Variants in AFF3 observed in about 807,000 individuals in gnomAD.
AFF3 encodes the protein AF4/FMR2 family member 3.
In AFF3, 32 loss-of-function variants were observed where a neutral mutation model predicts 129.7. The observed-to-expected ratio is 0.25, with a 90% CI of 0.19 to 0.33. The LOEUF is 0.33. Among genes scored for constraint, AFF3 ranks in the 10% least tolerant of loss-of-function variants. The probability of loss-of-function intolerance (pLI) is 1.00; values close to 1 mark genes in which losing one functional copy is unlikely to be tolerated. For missense variants in AFF3, 1,373 were observed against 1,592.0 expected, an observed-to-expected ratio of 0.86 and a Z score of 2.34; for synonymous variants, 644 against 635.4, an observed-to-expected ratio of 1.01 and a Z score of -0.20.
intron 13 of AFF3, among the ~76,000 whole-genome samples, chr2:99,602,182 G>A (rs1434786177): frequency 6.6e-6 from 1 of 152,132 alleles, no homozygotes; most frequent in African/African-American, 2.4e-5. Flanking sequence ...TTCATGTCTT[G>A]CTTCCTCCCT....
chr2:99,560,957 C>G (rs550402687), intron 20 of AFF3, among the ~76,000 whole-genome samples: 9 of 152,198 alleles, frequency 5.9e-5, no homozygotes, highest in Admixed American at 6.5e-5. Flanking sequence ...ACAGATACTA[C>G]GAGAAACTAG....
At chr2:99,922,962 T>C (rs1695956165) in intron 7 of AFF3, among the ~76,000 whole-genome samples, 1 of 152,216 alleles carries the variant, frequency 6.6e-6, no homozygotes, top group African/African-American at 2.4e-5. Flanking sequence ...CGTAGTATAC[T>C]ACATTCATGC....
At chr2:99,895,199 A>T in intron 7 of AFF3, among the ~76,000 whole-genome samples, 1 of 152,268 alleles carries the variant, frequency 6.6e-6, no homozygotes, top group Non-Finnish European at 1.5e-5. Flanking sequence ...AGCAAGGAAC[A>T]TCAAGCTCGA....
chr2:100,112,447 C>T (rs1454625205), intron 2 of AFF3: 6 of 152,330 alleles, frequency 3.9e-5, no homozygotes, highest in Admixed American at 1.3e-4. Flanking sequence ...AATCCCAGTA[C>T]TTTGAGAGGC....
intron 8 of AFF3, among the ~76,000 whole-genome samples, chr2:99,818,056 T>C (rs143032716): frequency 1.9e-3 from 288 of 152,306 alleles, no homozygotes; most frequent in African/African-American, 6.7e-3. Context: ...CTGAATATAA[T>C]TTAAAAGTAA....
At chr2:99,867,904 A>G (rs1691551590) in intron 7 of AFF3, among the ~76,000 whole-genome samples, 1 of 152,140 alleles carries the variant, frequency 6.6e-6, no homozygotes, top group South Asian at 2.1e-4. Flanking sequence ...AGGAAGTGTG[A>G]GCAGGCTAAT....
chr2:99,903,302 G>A (rs1694483410), intron 7 of AFF3, among the ~76,000 whole-genome samples: 1 of 152,046 alleles, frequency 6.6e-6, no homozygotes, highest in African/African-American at 2.4e-5. Flanking sequence ...AATGATATAT[G>A]GTAACAAACT....
chr2:99,819,014 A>T (rs1412807476), intron 8 of AFF3, among the ~76,000 whole-genome samples: 1 of 152,208 alleles, frequency 6.6e-6, no homozygotes. Flanking sequence ...CTATCAAATG[A>T]ATGTTCCACC....
chr2:99,800,268 G>A (rs1285557365), intron 8 of AFF3, among the ~76,000 whole-genome samples: 1 of 152,066 alleles, frequency 6.6e-6, no homozygotes, highest in Non-Finnish European at 1.5e-5. Flanking sequence ...AAAGTTTTTT[G>A]AACACATCAC....
At chr2:100,110,187 G>A (rs1319375578) in intron 2 of AFF3, 1 of 152,080 alleles carries the variant, frequency 6.6e-6, no homozygotes, top group Non-Finnish European at 1.5e-5. Flanking sequence ...GTTTTTTTCA[G>A]TTGTTCTTCC....
At position 99,836,906 on chromosome 2, in the gene AFF3, A is replaced by G. The variant is rs114821980; in HGVS notation, c.921+571T>C. Among the ~76,000 whole-genome samples, 849 of 152,316 alleles carry G rather than the reference A, an allele frequency of 5.6e-3. 8 individuals are homozygous for G. The highest frequency in any genetic ancestry group is 0.015 in the African/African-American group (618 of 41,560). ...ATTTGGGAAAACACTGATGTGGTGG[A>G]ACAGCCCAACCTAAGTCAATCTGGG... On this transcript the variant is annotated intron_variant, in intron 8 of 24. Transcript: ENST00000672756.
chr2:100,027,412 A>G (rs1355224579), intron 4 of AFF3, among the ~76,000 whole-genome samples: 1 of 152,208 alleles, frequency 6.6e-6, no homozygotes, highest in Non-Finnish European at 1.5e-5. Context: ...CAAGAGATAC[A>G]GGACCTCCAG....
At chr2:99,717,009 A>C (rs560598446) in intron 11 of AFF3, among the ~76,000 whole-genome samples, 43 of 152,210 alleles carry the variant, frequency 2.8e-4, no homozygotes, top group African/African-American at 1.0e-3. Flanking sequence ...ATACACTCTT[A>C]TGTGTCTGGC....
intron 18 of AFF3, among the ~76,000 whole-genome samples, chr2:99,575,001 G>C (rs1179224831): frequency 5.3e-5 from 8 of 152,112 alleles, no homozygotes; most frequent in Admixed American, 3.3e-4. Context: ...GGGCAGGAAG[G>C]AGGCCGAGAA....
intron 9 of AFF3, among the ~76,000 whole-genome samples, chr2:99,747,787 T>C (rs1311355267): frequency 1.3e-5 from 2 of 152,028 alleles, no homozygotes; most frequent in Non-Finnish European, 2.9e-5. Context: ...AAAGACTTTG[T>C]CCCTAATATA....
At chr2:99,900,542 G>A (rs1003941966) in intron 7 of AFF3, among the ~76,000 whole-genome samples, 3 of 152,038 alleles carry the variant, frequency 2.0e-5, no homozygotes, top group African/African-American at 7.3e-5. Flanking sequence ...TGCCCATAGC[G>A]ACAACGTTTT....
At chr2:100,006,586 C>G (rs1287834011) in intron 7 of AFF3, 46 bp downstream of exon 7, 1 of 1,536,456 alleles carries the variant, frequency 6.5e-7, no homozygotes, top group African/African-American at 1.4e-5. Context: ...CAAATTGTCA[C>G]TTGTAACTAT....
At chr2:100,025,598 C>T (rs1302217266) in intron 4 of AFF3, among the ~76,000 whole-genome samples, 1 of 152,110 alleles carries the variant, frequency 6.6e-6, no homozygotes, top group East Asian at 1.9e-4. Context: ...CAAAGCAAGA[C>T]TAAGTAAAAA....
intron 7 of AFF3, among the ~76,000 whole-genome samples, chr2:99,989,200 T>C (rs888506142): frequency 6.6e-6 from 1 of 152,162 alleles, no homozygotes; most frequent in Non-Finnish European, 1.5e-5. Flanking sequence ...AATATCCACA[T>C]AGGCAAATCA....
Sources: allele counts gnomAD v4.1 joint callset (sites outside exome capture counted in the v4.1 genomes callset), GRCh38; gene constraint gnomAD v4.1.1; transcripts MANE v1.5; gene names NCBI Gene and HGNC (gene_info 2026-07-23, HGNC 2026-07-21).